SPRED1: variants seen among roughly 807,000 people sequenced by gnomAD.
The protein encoded by SPRED1 is sprouty-related, EVH1 domain-containing protein 1.
In SPRED1, 18 loss-of-function variants were observed where a neutral mutation model predicts 52.3. The ratio of observed to expected loss-of-function variants is 0.34; its 90% confidence interval spans 0.24 to 0.51. The LOEUF is 0.51. Ranked by LOEUF, SPRED1 falls within the 20% of genes least tolerant of loss-of-function variation. The pLI, the probability that SPRED1 is intolerant of heterozygous loss-of-function variation, is 0.97. For synonymous variants in SPRED1, 155 were observed against 179.7 expected (o/e 0.86, Z 1.10); for missense variants, 485 against 551.0 (o/e 0.88, Z 1.20).
intron 1 of SPRED1, among the ~76,000 whole-genome samples, chr15:38,285,932 C>G (rs1278748243): frequency 6.6e-6 from 1 of 152,038 alleles, no homozygotes; most frequent in Non-Finnish European, 1.5e-5. Flanking sequence ...TCATTCATGC[C>G]CTTTATACCC....
intron 2 of SPRED1, among the ~76,000 whole-genome samples, chr15:38,301,366 A>C (rs1184126627): frequency 6.6e-6 from 1 of 152,156 alleles, no homozygotes; most frequent in Non-Finnish European, 1.5e-5. Flanking sequence ...ATAAGAAAAT[A>C]GATTATTTTG....
At chr15:38,318,660 C>T (rs542884883) in intron 2 of SPRED1, among the ~76,000 whole-genome samples, 33 of 152,172 alleles carry the variant, frequency 2.2e-4, no homozygotes, top group African/African-American at 7.0e-4. Context: ...TTGTTAGCTC[C>T]CTCTTATAAG....
intron 2 of SPRED1, among the ~76,000 whole-genome samples, chr15:38,306,800 T>C (rs1378979310): frequency 6.6e-6 from 1 of 152,222 alleles, no homozygotes; most frequent in East Asian, 1.9e-4. Context: ...ACTTTCACCT[T>C]TCTTCAGCAA....
rs572060796 is a variant in SPRED1, at chr15:38,296,989, C to T, written c.33-2384C>T. On this transcript the variant is annotated intron_variant, in intron 1 of 6. Transcript: ENST00000299084. ...TCTGCCATGTAAGGACACAGCATTC[C>T]TCCCCTCCAGAGGTCACAGCATTCA... Among the ~76,000 whole-genome samples, 11 of 152,228 alleles carry T rather than the reference C, an allele frequency of 7.2e-5. No individual in the cohort carries two copies. The South Asian group carries it at 2.3e-3, about 32-fold the overall frequency.
In SPRED1 at chr15:38,260,659, A is replaced by G. The variant is rs536025969; in HGVS notation, c.32+7442A>G. 5.9e-5 allele frequency among the ~76,000 whole-genome samples: 9 copies of G among 152,372 alleles called. No homozygotes were observed. In the East Asian group the frequency reaches 1.5e-3, roughly 26 times the overall value. ...TAATAAAGAACCGCATTATTACCAT[A>G]TCAAAATGAAAAATATTTCAATAAC... On this transcript the variant is annotated intron_variant, in intron 1 of 6. Coordinates refer to ENST00000299084, the MANE Select transcript of SPRED1 (RefSeq NM_152594.3).
chr15:38,341,473 C>T (rs1336723998), intron 5 of SPRED1, among the ~76,000 whole-genome samples: 1 of 151,262 alleles, frequency 6.6e-6, no homozygotes, highest in South Asian at 2.1e-4. Context: ...CATTTAAGTA[C>T]TCCTCTATCC....
At chr15:38,292,629 T>C (rs1742812105) in intron 1 of SPRED1, among the ~76,000 whole-genome samples, 2 of 152,174 alleles carry the variant, frequency 1.3e-5, no homozygotes, top group Non-Finnish European at 1.5e-5. Flanking sequence ...ATGAGACTTA[T>C]TCACTATCAT....
At chr15:38,253,921 C>T (rs181399696) in intron 1 of SPRED1, among the ~76,000 whole-genome samples, 4 of 152,232 alleles carry the variant, frequency 2.6e-5, no homozygotes, top group African/African-American at 9.6e-5. Flanking sequence ...ACATGATTTA[C>T]GTTGATGTAA....
At chr15:38,253,865 A>G (rs1264311035) in intron 1 of SPRED1, among the ~76,000 whole-genome samples, 1 of 152,212 alleles carries the variant, frequency 6.6e-6, no homozygotes, top group Non-Finnish European at 1.5e-5. Context: ...TCAGGAACGG[A>G]GAAGAATTTT....
intron 1 of SPRED1, among the ~76,000 whole-genome samples, chr15:38,261,147 A>G (rs889520341): frequency 6.6e-6 from 1 of 152,248 alleles, no homozygotes; most frequent in Non-Finnish European, 1.5e-5. Flanking sequence ...AATAAATGCC[A>G]GAAATGTCAT....
At chr15:38,271,565 C>G (rs766733720) in intron 1 of SPRED1, among the ~76,000 whole-genome samples, 11 of 152,250 alleles carry the variant, frequency 7.2e-5, no homozygotes, top group South Asian at 2.1e-4. Flanking sequence ...GGTGTTAGGA[C>G]AGTAGGCTTT....
At chr15:38,291,735 AC>A (rs1779679518) in intron 1 of SPRED1, among the ~76,000 whole-genome samples, 3 of 152,294 alleles carry the variant, frequency 2.0e-5, no homozygotes, top group Admixed American at 6.5e-5. Context: ...AGTGGCTGGT[AC>A]ACAGGACATG....
chr15:38,292,637 C>T (rs947656762), intron 1 of SPRED1, among the ~76,000 whole-genome samples: 9 of 152,180 alleles, frequency 5.9e-5, no homozygotes, highest in Non-Finnish European at 1.2e-4. Flanking sequence ...TATTCACTAT[C>T]ATGAGAATAG....
intron 1 of SPRED1, among the ~76,000 whole-genome samples, chr15:38,274,864 T>C (rs1310265225): frequency 2.6e-5 from 4 of 152,238 alleles, no homozygotes; most frequent in Admixed American, 6.5e-5. Flanking sequence ...TATAGAGTGA[T>C]GGTATCCTTG....
At chr15:38,324,865 A>G in intron 4 of SPRED1, 56 bp downstream of exon 4, 1 of 1,342,984 alleles carries the variant, frequency 7.4e-7, no homozygotes, top group Non-Finnish European at 1.1e-6. Flanking sequence ...AGAAATCACT[A>G]GCCTTATTCA....
chr15:38,259,134 A>G (rs1894157767), intron 1 of SPRED1, among the ~76,000 whole-genome samples: 2 of 152,210 alleles, frequency 1.3e-5, no homozygotes, highest in African/African-American at 4.8e-5. Flanking sequence ...TTGAACAATT[A>G]AGATACAAAA....
chr15:38,276,493 G>T (rs997520398), intron 1 of SPRED1, among the ~76,000 whole-genome samples: 4 of 151,886 alleles, frequency 2.6e-5, no homozygotes, highest in Admixed American at 1.3e-4. Flanking sequence ...ATACATATTT[G>T]CTAACCACAG....
chr15:38,301,234 A>C (rs958757139), intron 2 of SPRED1, among the ~76,000 whole-genome samples: 6 of 152,178 alleles, frequency 3.9e-5, no homozygotes, highest in Admixed American at 3.9e-4. Context: ...TGGCTTTAAC[A>C]TAAATAAAGC....
chr15:38,305,238 A>G (rs1029971908), intron 2 of SPRED1, among the ~76,000 whole-genome samples: 7 of 152,042 alleles, frequency 4.6e-5, no homozygotes, highest in Non-Finnish European at 1.0e-4. Flanking sequence ...AGGCTGAGGC[A>G]GGAGAATTGC....
Sources: allele counts gnomAD v4.1 joint callset (sites outside exome capture counted in the v4.1 genomes callset), GRCh38; gene constraint gnomAD v4.1.1; transcripts MANE v1.5; gene names NCBI Gene and HGNC (gene_info 2026-07-23, HGNC 2026-07-21).